Variants in LOC128462377 observed in about 807,000 individuals in gnomAD.
the LOC128462377 span, among the ~76,000 whole-genome samples, chr16:89,379,071 T>C: frequency 6.6e-6 from 1 of 152,198 alleles, no homozygotes; most frequent in Non-Finnish European, 1.5e-5. Context: ...CTTAGGGTCG[T>C]CCATGCCCAG....
At chr16:89,406,018 G>C in the LOC128462377 span, among the ~76,000 whole-genome samples, 1 of 150,468 alleles carries the variant, frequency 6.6e-6, no homozygotes, top group African/African-American at 2.5e-5. Context: ...GCTGAGGTGG[G>C]AGAATCACCT....
chr16:89,398,740 T>A, the LOC128462377 span, among the ~76,000 whole-genome samples: 24 of 151,450 alleles, frequency 1.6e-4, no homozygotes, highest in African/African-American at 5.3e-4. Flanking sequence ...AGAGATTGTG[T>A]GTCCAAAAAA....
the LOC128462377 span, among the ~76,000 whole-genome samples, chr16:89,385,335 G>A: frequency 2.6e-5 from 4 of 151,572 alleles, no homozygotes; most frequent in African/African-American, 7.3e-5. Flanking sequence ...TGCCATGTTG[G>A]CCGGGCTGGT....
the LOC128462377 span, among the ~76,000 whole-genome samples, chr16:89,347,544 G>T: frequency 6.6e-6 from 1 of 150,926 alleles, no homozygotes; most frequent in South Asian, 2.1e-4. Context: ...CTGGGAGATG[G>T]AGGTTGCAGC....
chr16:89,376,114 C>T, the LOC128462377 span, among the ~76,000 whole-genome samples: 8 of 152,102 alleles, frequency 5.3e-5, no homozygotes, highest in African/African-American at 7.2e-5. Flanking sequence ...TCACTGAAAA[C>T]GCAGCTTTAA....
chr16:89,364,349 A>C, the LOC128462377 span, among the ~76,000 whole-genome samples: 4 of 152,218 alleles, frequency 2.6e-5, no homozygotes, highest in African/African-American at 9.6e-5. Flanking sequence ...GAACTCATAA[A>C]TCATTATTTT....
the LOC128462377 span, among the ~76,000 whole-genome samples, chr16:89,385,958 G>A: frequency 5.9e-5 from 9 of 152,208 alleles, no homozygotes; most frequent in African/African-American, 1.7e-4. Context: ...ACAGCGGACA[G>A]CAGTCCAGAA....
chr16:89,415,261 C>CTTTTT, the LOC128462377 span, among the ~76,000 whole-genome samples: 5 of 84,536 alleles, frequency 5.9e-5, no homozygotes, highest in African/African-American at 1.0e-4. Context: ...GCCAGCTATT[C>CTTTTT]TTTTTTTTTT....
chr16:89,344,021 C>T, the LOC128462377 span, among the ~76,000 whole-genome samples: 19 of 152,138 alleles, frequency 1.2e-4, no homozygotes, highest in Non-Finnish European at 1.9e-4. Flanking sequence ...TCGGTGCAGG[C>T]GGCCAGCCAC....
At chr16:89,347,186 T>C in the LOC128462377 span, among the ~76,000 whole-genome samples, 10 of 152,114 alleles carry the variant, frequency 6.6e-5, no homozygotes, top group Admixed American at 1.3e-4. Context: ...ATGAAAACAC[T>C]GCCACAGCAG....
At chr16:89,326,788 A>T in the LOC128462377 span, among the ~76,000 whole-genome samples, 3 of 152,178 alleles carry the variant, frequency 2.0e-5, no homozygotes, top group Non-Finnish European at 4.4e-5. Flanking sequence ...GGGGCATGAA[A>T]AAGTGCTTGG....
chr16:89,355,438 T>C, the LOC128462377 span, among the ~76,000 whole-genome samples: 1 of 152,264 alleles, frequency 6.6e-6, no homozygotes, highest in African/African-American at 2.4e-5. Flanking sequence ...AGCCAGACTG[T>C]TTGCCTGAAA....
the LOC128462377 span, among the ~76,000 whole-genome samples, chr16:89,332,515 C>G: frequency 1.3e-5 from 2 of 152,252 alleles, no homozygotes; most frequent in Non-Finnish European, 2.9e-5. Context: ...ACAGCCTCGT[C>G]TGCTCACTGA....
the LOC128462377 span, among the ~76,000 whole-genome samples, chr16:89,406,471 C>T: frequency 6.6e-6 from 1 of 152,212 alleles, no homozygotes; most frequent in African/African-American, 2.4e-5. Context: ...GGCAAAGGAG[C>T]CACCGTGCAC....
chr16:89,359,008 A>G, the LOC128462377 span, among the ~76,000 whole-genome samples: 2 of 152,100 alleles, frequency 1.3e-5, no homozygotes, highest in Non-Finnish European at 2.9e-5. Context: ...TATTTTTTGT[A>G]AAGACAAGGC....
chr16:89,411,695 G>C, the LOC128462377 span, among the ~76,000 whole-genome samples: 2 of 152,032 alleles, frequency 1.3e-5, no homozygotes, highest in Non-Finnish European at 2.9e-5. Flanking sequence ...ATTACGGCCA[G>C]TTTACATTCG....
At chr16:89,351,285 C>A in the LOC128462377 span, among the ~76,000 whole-genome samples, 1 of 152,124 alleles carries the variant, frequency 6.6e-6, no homozygotes, top group African/African-American at 2.4e-5. Context: ...GGCCGCCAAA[C>A]ACATCTGGAA....
At chr16:89,360,057 G>A in the LOC128462377 span, among the ~76,000 whole-genome samples, 1 of 151,542 alleles carries the variant, frequency 6.6e-6, no homozygotes, top group Non-Finnish European at 1.5e-5. Context: ...CCCTCCTCCC[G>A]CCCTCTCCCC....
chr16:89,318,463 G>A, the LOC128462377 span, among the ~76,000 whole-genome samples: 429 of 152,322 alleles, frequency 2.8e-3, 3 homozygotes, highest in African/African-American at 9.6e-3. Context: ...ACCTCTGTGC[G>A]CGACCATGCC....
Sources: gnomAD v4.1 joint callset for allele counts (sites outside exome capture counted in the v4.1 genomes callset) on GRCh38, gnomAD v4.1.1 for gene constraint, MANE v1.5 for transcripts.